Variants in STK31 observed in about 807,000 individuals in gnomAD.
The protein encoded by STK31 is serine/threonine-protein kinase 31.
STK31 carries 89 observed loss-of-function variants against 129.7 expected under a neutral mutation model. That is an observed-to-expected ratio of 0.69 (90% CI 0.58 to 0.82). STK31 has a LOEUF of 0.82. Among genes scored for constraint, STK31 ranks in the 40% least tolerant of loss-of-function variants. The pLI, the probability that STK31 is intolerant of heterozygous loss-of-function variation, is 0.00. For synonymous variants in STK31, 448 were observed against 395.3 expected, an observed-to-expected ratio of 1.13 and a Z score of -1.58; for missense variants, 1,187 against 1,176.4, an observed-to-expected ratio of 1.01 and a Z score of -0.13.
rs369378916 is a variant in STK31, at chr7:23,825,428, TG to T, written c.2830-6705del. Among the ~76,000 whole-genome samples the T allele has an allele frequency of 7.2e-3, 1,093 of 152,350 alleles. 14 individuals carry two copies. Among genetic ancestry groups the T allele is most frequent in the African/African-American group, 0.025 (1,046 of 41,576 alleles). On this transcript the variant is annotated intron_variant, in intron 23 of 23. Transcript: ENST00000355870. ...TCTCTGATGGTAGTTTGTATTTCTG[TG>T]GGATCACTGGTGATATCCCCTTTGT...
chr7:23,762,105 ATTTTAC>A (rs1351375801), intron 10 of STK31, among the ~76,000 whole-genome samples: 2 of 151,650 alleles, frequency 1.3e-5, no homozygotes, highest in Admixed American at 1.3e-4. Flanking sequence ...TTTTATTATT[ATTTTAC>A]TTTTAGGGTA....
intron 8 of STK31, among the ~76,000 whole-genome samples, chr7:23,739,715 G>A (rs545881468): frequency 4.6e-4 from 70 of 152,246 alleles, no homozygotes; most frequent in African/African-American, 1.4e-3. Context: ...TCCCAACACC[G>A]TTTATAAAAT....
At chr7:23,765,949 A>G (rs1183792362) in intron 11 of STK31, among the ~76,000 whole-genome samples, 1 of 152,174 alleles carries the variant, frequency 6.6e-6, no homozygotes, top group African/African-American at 2.4e-5. Flanking sequence ...ACAATTGTCT[A>G]GGATTTTAGT....
chr7:23,783,555 G>A, intron 16 of STK31, 28 bp from the exon 17 acceptor site: 2 of 1,572,208 alleles, frequency 1.3e-6, no homozygotes, highest in Non-Finnish European at 1.7e-6. Flanking sequence ...TTGATCTACA[G>A]TTAAAAACTT....
At chr7:23,815,111 T>A (rs549710063) in intron 22 of STK31, 33 bp from the exon 23 acceptor site, 1 of 1,522,590 alleles carries the variant, frequency 6.6e-7, no homozygotes, top group African/African-American at 1.4e-5. Context: ...ATTAATACAT[T>A]GGACATTTAT....
chr7:23,769,231 T>A, intron 12 of STK31, 57 bp downstream of exon 12: 2 of 1,429,540 alleles, frequency 1.4e-6, no homozygotes, highest in South Asian at 3.6e-5. Flanking sequence ...ATATATATTT[T>A]AAAAATCACG....
intron 22 of STK31, among the ~76,000 whole-genome samples, chr7:23,806,220 T>A (rs1268165747): frequency 1.3e-5 from 2 of 152,216 alleles, no homozygotes; most frequent in Non-Finnish European, 2.9e-5. Flanking sequence ...TCTTTAGGCT[T>A]GTCTCCTATG....
intron 15 of STK31, among the ~76,000 whole-genome samples, chr7:23,773,953 C>T (rs1486631754): frequency 6.6e-6 from 1 of 151,386 alleles, no homozygotes; most frequent in Non-Finnish European, 1.5e-5. Flanking sequence ...CACAACAGAC[C>T]CCGGGGTGTG....
chr7:23,807,835 A>C (rs1337417564), intron 22 of STK31, among the ~76,000 whole-genome samples: 2 of 151,986 alleles, frequency 1.3e-5, no homozygotes, highest in African/African-American at 4.8e-5. Context: ...CAGTCCACCT[A>C]ATGAGTTTTA....
chr7:23,723,733 A>G (rs115851666), intron 4 of STK31, among the ~76,000 whole-genome samples: 222 of 152,272 alleles, frequency 1.5e-3, no homozygotes, highest in African/African-American at 5.0e-3. Flanking sequence ...GAGTGAATAT[A>G]TAGTTTTCAC....
intron 11 of STK31, among the ~76,000 whole-genome samples, chr7:23,763,613 T>A (rs1320098120): frequency 6.6e-6 from 1 of 152,216 alleles, no homozygotes; most frequent in African/African-American, 2.4e-5. Flanking sequence ...TATTATCTTG[T>A]CATTTCCTAG....
chr7:23,783,575 A>G lies in STK31; in HGVS notation c.2068-8A>G, dbSNP rs200468024. 2.4e-5 allele frequency: 38 copies of G among 1,586,366 alleles called. No homozygotes were observed. The East Asian group carries it at 3.8e-4, about 16-fold the overall frequency. ...CTACAGTTAAAAACTTTTTTTTTTT[A>G]ACTTTAGGAGATGCTAACTAGTTTG... On this transcript the variant is annotated splice_polypyrimidine_tract_variant and splice_region_variant and intron_variant, in intron 16 of 23. Transcript: ENST00000355870.
intron 20 of STK31, among the ~76,000 whole-genome samples, chr7:23,787,394 T>A (rs1791348428): frequency 1.3e-5 from 2 of 152,068 alleles, no homozygotes; most frequent in Non-Finnish European, 2.9e-5. Flanking sequence ...GTAATCCAAG[T>A]CTTCTTTGAG....
chr7:23,736,300 T>G (rs1013859667), intron 7 of STK31, among the ~76,000 whole-genome samples: 5 of 152,188 alleles, frequency 3.3e-5, no homozygotes, highest in African/African-American at 1.2e-4. Context: ...TTAATAAAAG[T>G]GAGGCTCTTT....
At chr7:23,816,839 A>G (rs1337065557) in intron 23 of STK31, among the ~76,000 whole-genome samples, 1 of 152,198 alleles carries the variant, frequency 6.6e-6, no homozygotes, top group South Asian at 2.1e-4. Flanking sequence ...ATGTAAAGTT[A>G]TGAATAACAG....
rs61564984 is a variant in STK31, at chr7:23,768,985, C to A, written c.1417-10C>A. On this transcript the variant is annotated splice_polypyrimidine_tract_variant and intron_variant, in intron 11 of 23. Coordinates refer to ENST00000355870, the MANE Select transcript of STK31 (RefSeq NM_031414.5). Reference sequence around the variant, plus strand: ...TAAACTTTAATAAACAGAAGTATATCTCTCTGCAGGATTTGTCAGTCTCTT... The same window carrying A: ...TAAACTTTAATAAACAGAAGTATATATCTCTGCAGGATTTGTCAGTCTCTT... The A allele has an allele frequency of 0.28, 446,084 of 1,567,528 alleles. 65,783 individuals carry two copies. Among genetic ancestry groups the A allele is most frequent in the South Asian group, 0.37 (29,851 of 81,180 alleles).
chr7:23,717,417 C>T, intron 3 of STK31, 64 bp from the exon 4 acceptor site: 1 of 1,166,338 alleles, frequency 8.6e-7, no homozygotes, highest in African/African-American at 1.5e-5. Context: ...GCTTAGAACC[C>T]TCAAGCGTGT....
At chr7:23,756,404 G>T (rs1789086972) in intron 10 of STK31, among the ~76,000 whole-genome samples, 2 of 152,146 alleles carry the variant, frequency 1.3e-5, no homozygotes, top group South Asian at 4.1e-4. Flanking sequence ...GGGGTGAGAC[G>T]ATGGGGATTT....
chr7:23,731,948 A>G (rs186329065), intron 6 of STK31, among the ~76,000 whole-genome samples: 2 of 152,364 alleles, frequency 1.3e-5, no homozygotes, highest in East Asian at 3.9e-4. Context: ...ATTTCTAAAA[A>G]GTGACATTCA....
Sources: gnomAD v4.1 joint callset for allele counts (sites outside exome capture counted in the v4.1 genomes callset) on GRCh38, gnomAD v4.1.1 for gene constraint, MANE v1.5 for transcripts, NCBI Gene and HGNC (gene_info 2026-07-23, HGNC 2026-07-21) for gene names.